Variants in MARVELD3 observed in about 807,000 individuals in gnomAD.
MARVELD3 encodes MARVEL domain-containing protein 3.
MARVELD3 carries 28 observed loss-of-function variants against 33.5 expected under a neutral mutation model. That is an observed-to-expected ratio of 0.84 (90% CI 0.62 to 1.15). The LOEUF (loss-of-function observed/expected upper bound fraction) is 1.15, where lower values mean the gene tolerates loss of function less well. Among genes scored for constraint, MARVELD3 ranks in the 50% most tolerant of loss-of-function variants. The probability of loss-of-function intolerance (pLI) is 0.00; values close to 1 mark genes in which losing one functional copy is unlikely to be tolerated. For synonymous variants in MARVELD3, 241 were observed against 230.4 expected, an observed-to-expected ratio of 1.05 and a Z score of -0.42; for missense variants, 582 against 547.6, an observed-to-expected ratio of 1.06 and a Z score of -0.63.
At chr16:71,641,148 C>CT (rs2044616669), downstream of MARVELD3, 1 of 1,270,472 alleles carries the variant, frequency 7.9e-7, no homozygotes, top group Non-Finnish European at 1.1e-6. Context: ...TCTCTTTGGA[C>CT]TGAGGCAAAG....
intron 2 of MARVELD3, among the ~76,000 whole-genome samples, chr16:71,632,220 G>A (rs540717681): frequency 4.6e-5 from 7 of 152,300 alleles, no homozygotes; most frequent in Non-Finnish European, 7.4e-5. Context: ...ACTGCAAAGC[G>A]TCACTAAGGA....
downstream of MARVELD3, among the ~76,000 whole-genome samples, chr16:71,639,896 C>T (rs904060683): frequency 6.6e-6 from 1 of 152,140 alleles, no homozygotes; most frequent in Non-Finnish European, 1.5e-5. Flanking sequence ...TTTATGTCCA[C>T]GTCTTTGTTT....
downstream of MARVELD3, chr16:71,638,798 T>A (rs1279521592): frequency 1.3e-5 from 2 of 152,264 alleles, no homozygotes; most frequent in South Asian, 2.1e-4. Context: ...TGCACACATA[T>A]GTATGTGTTT....
At chr16:71,640,559 G>A, downstream of MARVELD3, 1 of 1,614,200 alleles carries the variant, frequency 6.2e-7, no homozygotes, top group Non-Finnish European at 8.5e-7. Flanking sequence ...TTCGGCAGCT[G>A]GACCAGCAGT....
downstream of MARVELD3, chr16:71,638,410 C>A (rs543381895): frequency 9.8e-5 from 15 of 152,450 alleles, no homozygotes; most frequent in African/African-American, 3.6e-4. Context: ...ATGAAAAAAT[C>A]AAGATGCAGA....
rs762298550 is a variant in MARVELD3 at position 71,634,455 on chromosome 16, C to A, written c.858C>A (p.Leu286=). 3 of 1,614,244 alleles carry A rather than the reference C, an allele frequency of 1.9e-6. No homozygotes were observed. Among genetic ancestry groups the A allele is most frequent in the Non-Finnish European group, 2.5e-6 (3 of 1,180,044 alleles). ...CSGALTALCC[L]FVAMGVLRVP... ...GAGCCCTCACAGCCCTCTGCTGCCTCTTCGTTGCCATGGGTGTCCTGCGGG... is the reference window on the plus strand; with the variant it reads ...GAGCCCTCACAGCCCTCTGCTGCCTATTCGTTGCCATGGGTGTCCTGCGGG... Residue 286 remains leucine (L), a synonymous_variant, in exon 3 of 3, where the codon CTC becomes CTA. Coordinates refer to ENST00000268485, the MANE Select transcript of MARVELD3 (RefSeq NM_052858.6).
intron 2 of MARVELD3, among the ~76,000 whole-genome samples, chr16:71,630,521 G>C (rs1248840742): frequency 6.6e-6 from 1 of 151,570 alleles, no homozygotes; most frequent in African/African-American, 2.4e-5. Context: ...CTACTTAGGA[G>C]GCTAAGGCAG....
At chr16:71,639,968 TTAAA>T (rs2044605481), downstream of MARVELD3, among the ~76,000 whole-genome samples, 1 of 152,114 alleles carries the variant, frequency 6.6e-6, no homozygotes, top group Admixed American at 6.6e-5. Flanking sequence ...AAAAAGCAAA[TTAAA>T]TATACTGATG....
Position 71,626,234 on chromosome 16 carries a change from A to G in MARVELD3, c.5A>G (p.Glu2Gly). 1 of 1,489,642 alleles carries G rather than the reference A, an allele frequency of 6.7e-7. No individual in the cohort carries two copies. Among genetic ancestry groups the G allele is most frequent in the Non-Finnish European group, 8.9e-7 (1 of 1,122,766 alleles). 92.3% of individuals were successfully genotyped at this position (1,489,642 alleles called of 1,614,324 possible). A position where few individuals can be genotyped will look rare whatever the true frequency, so the allele number is the denominator to read the frequency against. MEDPSGAREPRA... is the reference protein window; with the variant it reads MGDPSGAREPRA... ...GCGGGGACACGGAACCCGGCCATGG[A>G]AGATCCGTCGGGGGCTCGCGAGCCC... Residue 2 changes from glutamate (E) to glycine (G), a missense_variant, in exon 1 of 3, where the codon GAA (glutamate) becomes GGA (glycine). Physicochemically the swap from Glu to Gly is moderately conservative, Grantham distance 98. Transcript: ENST00000268485. This position sits in a 1 kb window ranked among gnomAD's most constrained non-coding sequence, Gnocchi z 5.3.
At chr16:71,633,143 G>A (rs144378668) in intron 2 of MARVELD3, among the ~76,000 whole-genome samples, 7 of 151,760 alleles carry the variant, frequency 4.6e-5, no homozygotes, top group Non-Finnish European at 7.4e-5. Flanking sequence ...CAGGAGGATC[G>A]CCTGAAGCAA....
Position 71,626,282 on chromosome 16 carries a change from A to G in MARVELD3, c.53A>G (p.Asp18Gly). 3.2e-6 allele frequency: 5 copies of G among 1,541,704 alleles called. No individual in the cohort carries two copies. The highest frequency in any genetic ancestry group is 4.4e-6 in the Non-Finnish European group (5 of 1,142,956). The part of the protein sequence containing the change: ...REPRARPRER[D>G]PGRRPHPDQG... ...CCCCGGGCCCGGCCGAGAGAGCGGG[A>G]CCCGGGACGGCGCCCCCACCCAGAC... is the stretch of plus-strand genomic sequence containing the variant. Residue 18 changes from aspartate to glycine, a missense_variant, in exon 1 of 3, where the codon GAC becomes GGC. Asp to Gly is a moderately conservative substitution (Grantham distance 94). Transcript: ENST00000268485. This position sits in a 1 kb window ranked among gnomAD's most constrained non-coding sequence, Gnocchi z 5.3.
At chr16:71,640,870 C>T, downstream of MARVELD3, 1 of 1,614,204 alleles carries the variant, frequency 6.2e-7, no homozygotes, top group Non-Finnish European at 8.5e-7. Flanking sequence ...ACCGACGGAG[C>T]AGCAGCCACC....
At position 71,635,543 on chromosome 16, in the gene MARVELD3, T is replaced by A. The variant is rs1302721371; in HGVS notation, c.*740T>A. The A allele has an allele frequency of 1.0e-6, 1 of 981,638 alleles. No individual in the cohort carries two copies. Among genetic ancestry groups the A allele is most frequent in the Non-Finnish European group, 1.2e-6 (1 of 827,004 alleles). The allele number at this position is 981,638 out of a possible 1,614,324, so 60.8% of individuals were successfully genotyped here. A position where few individuals can be genotyped will look rare whatever the true frequency, so the allele number is the denominator to read the frequency against. On this transcript the variant is annotated 3_prime_UTR_variant, in exon 3 of 3. Coordinates refer to ENST00000268485, the MANE Select transcript of MARVELD3 (RefSeq NM_052858.6). ...GATTGCTTGAACCCAGGAGTTCAAG[T>A]TTGCAGTGCGCTATGATTGTCCCAC...
At chr16:71,640,325 G>GTA, downstream of MARVELD3, 2 of 1,550,756 alleles carry the variant, frequency 1.3e-6, no homozygotes, top group Non-Finnish European at 1.8e-6. Flanking sequence ...GTGGCCTGTG[G>GTA]TATGTCTCTG....
Position 71,634,915 on chromosome 16 carries a change from G to T in MARVELD3, c.*112G>T. On this transcript the variant is annotated 3_prime_UTR_variant, in exon 3 of 3. Transcript: ENST00000268485. The stretch of plus-strand genomic sequence containing the variant: ...GTTTCCAGTGCTGGAAAAGCAGCGA[G>T]CCAGCGTTGGTGTGGTGGGCGGAGC... 6.8e-7 allele frequency: 1 copy of T among 1,481,172 alleles called. No homozygotes were observed. The highest frequency in any genetic ancestry group is 2.4e-5 in the East Asian group (1 of 42,000). The allele number at this position is 1,481,172 out of a possible 1,614,324, so 91.8% of individuals were successfully genotyped here.
chr16:71,626,914 C>A lies in MARVELD3; in HGVS notation c.467+218C>A. On this transcript the variant is annotated intron_variant, in intron 1 of 2. Coordinates refer to ENST00000268485, the MANE Select transcript of MARVELD3 (RefSeq NM_052858.6). This position sits in a 1 kb window ranked among gnomAD's most constrained non-coding sequence, Gnocchi z 5.3. ...CTGAACCCAACTAACAAAGCAAAAA[C>A]CACCCCTGTGAGCAGTGGCTGGGCT... The A allele has an allele frequency of 2.1e-6, 1 of 473,152 alleles. No individual in the cohort carries two copies. The highest frequency in any genetic ancestry group is 3.6e-6 in the Non-Finnish European group (1 of 275,866). 29.3% of individuals were successfully genotyped at this position (473,152 alleles called of 1,614,324 possible).
intron 1 of MARVELD3, among the ~76,000 whole-genome samples, chr16:71,627,573 C>A (rs2044487061): frequency 1.3e-5 from 2 of 151,804 alleles, no homozygotes; most frequent in Admixed American, 6.6e-5. Context: ...ACGTAAAATT[C>A]TCCCACTGAA....
rs1242410407 is a variant in MARVELD3 at position 71,626,848 on chromosome 16, T to C, written c.467+152T>C. ...CCCTTCTGCGCTCTCAGAGGCGACC[T>C]GGCAGGGAAGGAAAACTTTAGGGTT... is the stretch of plus-strand genomic sequence containing the variant. On this transcript the variant is annotated intron_variant, in intron 1 of 2. Transcript: ENST00000268485. This position sits in a 1 kb window ranked among gnomAD's most constrained non-coding sequence, Gnocchi z 5.3. The C allele has an allele frequency of 5.9e-6, 4 of 676,008 alleles. No homozygotes were observed. The highest frequency in any genetic ancestry group is 4.5e-6 in the Non-Finnish European group (2 of 448,790). The allele number at this position is 676,008 out of a possible 1,614,324, so 41.9% of individuals were successfully genotyped here.
chr16:71,634,155 C>G lies in MARVELD3; in HGVS notation c.596-38C>G, dbSNP rs749111395. 5 of 1,565,458 alleles carry G rather than the reference C, an allele frequency of 3.2e-6. No individual in the cohort carries two copies. In the African/African-American group the frequency reaches 4.0e-5, roughly 13 times the overall value. ...GGTGGAAGAGTCTCCTGGTGCCAAACAGCATCACTCAAAAATGGTAACACC... is the reference window on the plus strand; with the variant it reads ...GGTGGAAGAGTCTCCTGGTGCCAAAGAGCATCACTCAAAAATGGTAACACC... On this transcript the variant is annotated intron_variant, in intron 2 of 2. Transcript: ENST00000268485.
Sources: gnomAD v4.1 joint callset for allele counts (sites outside exome capture counted in the v4.1 genomes callset) on GRCh38, gnomAD v4.1.1 for gene constraint, Gnocchi (gnomAD v3.1) non-coding constraint, MANE v1.5 for transcripts, NCBI Gene and HGNC (gene_info 2026-07-23, HGNC 2026-07-21) for gene names.